The following CLRN3 variants were observed in gnomAD, a reference collection of about 807,000 sequenced individuals.
CLRN3 encodes clarin-3.
CLRN3 carries 12 observed loss-of-function variants against 16.7 expected under a neutral mutation model. The observed-to-expected ratio is 0.72, with a 90% CI of 0.46 to 1.16. CLRN3 has a LOEUF of 1.16. CLRN3 is among the 50% of genes most tolerant of loss of function. The probability of loss-of-function intolerance (pLI) is 0.00; values close to 1 mark genes in which losing one functional copy is unlikely to be tolerated. For synonymous variants in CLRN3, 118 were observed against 113.0 expected, an observed-to-expected ratio of 1.04 and a Z score of -0.28; for missense variants, 296 against 274.2, an observed-to-expected ratio of 1.08 and a Z score of -0.56.
chr10:127,880,603 A>G (rs2135077304), intron 2 of CLRN3, among the ~76,000 whole-genome samples: 1 of 152,238 alleles, frequency 6.6e-6, no homozygotes, highest in Admixed American at 6.5e-5. Context: ...CTCAGGGGAC[A>G]ATTTTATCCC....
chr10:127,880,408 G>T (rs1203133896), intron 2 of CLRN3, among the ~76,000 whole-genome samples: 3 of 152,116 alleles, frequency 2.0e-5, no homozygotes, highest in African/African-American at 7.2e-5. Flanking sequence ...ATTTATAGGG[G>T]CTGGAGGAAG....
At chr10:127,889,163 C>G (rs1355186023) in intron 1 of CLRN3, among the ~76,000 whole-genome samples, 1 of 152,016 alleles carries the variant, frequency 6.6e-6, no homozygotes, top group Non-Finnish European at 1.5e-5. Flanking sequence ...CTCTACAAAA[C>G]GTAAGAAAAG....
At chr10:127,887,997 G>A (rs1296198127) in intron 1 of CLRN3, among the ~76,000 whole-genome samples, 1 of 152,208 alleles carries the variant, frequency 6.6e-6, no homozygotes, top group Non-Finnish European at 1.5e-5. Flanking sequence ...GGGCGCCCAT[G>A]AGAGCCATCC....
chr10:127,885,902 T>C (rs531276813), intron 1 of CLRN3, among the ~76,000 whole-genome samples: 6 of 152,168 alleles, frequency 3.9e-5, no homozygotes, highest in African/African-American at 1.4e-4. Flanking sequence ...ATTACAGGCA[T>C]GCACCACCAT....
chr10:127,888,828 G>A (rs1845226214), intron 1 of CLRN3, among the ~76,000 whole-genome samples: 1 of 152,122 alleles, frequency 6.6e-6, no homozygotes, highest in African/African-American at 2.4e-5. Flanking sequence ...ACAATACCCA[G>A]TACAGCCATG....
In CLRN3 at chr10:127,892,703, G is replaced by C. The variant is rs553761084; in HGVS notation, c.82C>G (p.Leu28Val). The change falls in exon 1 of 3, where the codon CTT becomes GTT. Residue 28 changes from leucine to valine, a missense_variant. Coordinates refer to ENST00000368671, the MANE Select transcript of CLRN3 (RefSeq NM_152311.5). ...LGSFIVICSI[L>V]GTQAWITSTI... is the part of the protein sequence containing the mutation. ...CTGGTGATCCATGCTTGTGTCCCAA[G>C]AATAGAGCAAATTACAATGAAGGAC... 4.0e-5 allele frequency: 64 copies of C among 1,613,354 alleles called. 1 individual carries two copies. In the South Asian group the frequency reaches 5.6e-4, roughly 14 times the overall value.
chr10:127,880,956 C>T (rs1474076219), intron 2 of CLRN3, among the ~76,000 whole-genome samples: 1 of 152,150 alleles, frequency 6.6e-6, no homozygotes, highest in African/African-American at 2.4e-5. Context: ...CTCCTGGAAA[C>T]TGAGAGTTTC....
intron 2 of CLRN3, among the ~76,000 whole-genome samples, chr10:127,881,122 A>C (rs1327739687): frequency 2.0e-5 from 3 of 152,212 alleles, no homozygotes; most frequent in Non-Finnish European, 4.4e-5. Flanking sequence ...TCTCCCAGGC[A>C]GGCATCAGAA....
At chr10:127,887,229 A>G (rs572542376) in intron 1 of CLRN3, among the ~76,000 whole-genome samples, 2 of 152,214 alleles carry the variant, frequency 1.3e-5, no homozygotes, top group Non-Finnish European at 2.9e-5. Context: ...ATGAGTTACC[A>G]TAAGAGGGAA....
chr10:127,884,176 C>T (rs1024744658), intron 1 of CLRN3, among the ~76,000 whole-genome samples: 4 of 152,234 alleles, frequency 2.6e-5, no homozygotes, highest in South Asian at 4.1e-4. Flanking sequence ...GGCTGGACAG[C>T]CTTCCCATTA....
At chr10:127,891,999 GAA>G (rs35355661) in intron 1 of CLRN3, among the ~76,000 whole-genome samples, 5 of 150,748 alleles carry the variant, frequency 3.3e-5, no homozygotes, top group Non-Finnish European at 7.4e-5. Context: ...TAAGAAATCA[GAA>G]AAAAAAATGT....
At chr10:127,889,927 A>C (rs1282283183) in intron 1 of CLRN3, among the ~76,000 whole-genome samples, 1 of 152,074 alleles carries the variant, frequency 6.6e-6, no homozygotes, top group Non-Finnish European at 1.5e-5. Context: ...CCACAGTGTG[A>C]GCTTACACCT....
At chr10:127,879,291 G>A (rs562668478) in intron 2 of CLRN3, among the ~76,000 whole-genome samples, 6 of 151,972 alleles carry the variant, frequency 3.9e-5, no homozygotes, top group African/African-American at 1.2e-4. Flanking sequence ...TATGGAGACC[G>A]GCTTTTTCTA....
chr10:127,892,618 A>C lies in CLRN3; in HGVS notation c.167T>G (p.Phe56Cys). Residue 56 changes from phenylalanine to cysteine, a missense_variant, in exon 1 of 3, where the codon TTT becomes TGT. Physicochemically the swap from Phe to Cys is radical, Grantham distance 205. Transcript: ENST00000368671. The stretch of plus-strand genomic sequence containing the variant: ...CAATTCTTCACTACTCTCCCCACGA[A>C]AAAGTCCGTAAGTGATGAAAATGCT... ...NGSIFITYGL[F>C]RGESSEELSH... is the part of the protein sequence containing the mutation. 1.9e-6 allele frequency: 3 copies of C among 1,613,626 alleles called. No homozygotes were observed. The highest frequency in any genetic ancestry group is 2.5e-6 in the Non-Finnish European group (3 of 1,179,544).
At chr10:127,892,266 T>A (rs904434226) in intron 1 of CLRN3, among the ~76,000 whole-genome samples, 1 of 152,260 alleles carries the variant, frequency 6.6e-6, no homozygotes, top group African/African-American at 2.4e-5. Context: ...AATGCCGTAT[T>A]GCTGCCACAT....
In CLRN3 at chr10:127,884,322, A is replaced by G. The variant is rs550622962; in HGVS notation, c.230-447T>C. 1.1e-4 allele frequency among the ~76,000 whole-genome samples: 17 copies of G among 152,360 alleles called. No individual in the cohort carries two copies. The South Asian group carries it at 3.5e-3, about 32-fold the overall frequency. On this transcript the variant is annotated intron_variant, in intron 1 of 2. Transcript: ENST00000368671. ...CCCTGAAAACCTGTGCACTGTGAGA[A>G]TCCCACAAGCCCTGTGGCATCTGGG... is the stretch of plus-strand genomic sequence containing the variant.
chr10:127,883,628 A>AG (rs1325587905), intron 2 of CLRN3, 68 bp downstream of exon 2: 5 of 1,098,216 alleles, frequency 4.6e-6, no homozygotes, highest in Non-Finnish European at 7.0e-6. Context: ...CATGTGTGAG[A>AG]GGCAGAGACA....
intron 1 of CLRN3, among the ~76,000 whole-genome samples, chr10:127,891,000 A>G (rs942578292): frequency 3.9e-5 from 6 of 152,322 alleles, no homozygotes; most frequent in African/African-American, 1.4e-4. Context: ...TTGGGCAGTG[A>G]CTTGGGGAAG....
At position 127,883,733 on chromosome 10, in the gene CLRN3, C is replaced by A. The variant is rs376261057; in HGVS notation, c.372G>T (p.Leu124=). 2 of 1,613,858 alleles carry A rather than the reference C, an allele frequency of 1.2e-6. No individual in the cohort carries two copies. The highest frequency in any genetic ancestry group is 2.7e-5 in the African/African-American group (2 of 74,862). The change falls in exon 2 of 3, where the codon CTG becomes CTT. Residue 124 remains leucine, a synonymous_variant. Transcript: ENST00000368671. The stretch of plus-strand genomic sequence containing the variant: ...TCCAGGTGTACACCCCCGTCGGCCC[C>A]AGGAATGTCTGGTAAGGGTTGCTGA... ...NSISNPYQTF[L]GPTGVYTWNG... is the part of the protein sequence containing the mutation.
Sources: gnomAD v4.1 joint callset for allele counts (sites outside exome capture counted in the v4.1 genomes callset) on GRCh38, gnomAD v4.1.1 for gene constraint, MANE v1.5 for transcripts, NCBI Gene and HGNC (gene_info 2026-07-23, HGNC 2026-07-21) for gene names.